SERF2: variants seen among roughly 807,000 people sequenced by gnomAD.
SERF2 encodes the protein gastric cancer-related protein VRG107.
Under a neutral mutation model 10.7 loss-of-function variants are expected in SERF2, and 4 were observed. The observed-to-expected ratio is 0.37, with a 90% CI of 0.18 to 0.86. SERF2 has a LOEUF of 0.86. SERF2 is among the 40% of genes least tolerant of loss of function. The pLI, the probability that SERF2 is intolerant of heterozygous loss-of-function variation, is 0.43. For synonymous variants in SERF2, 26 were observed against 26.0 expected (o/e 1.00, Z 0.01); for missense variants, 47 against 79.1 (o/e 0.59, Z 1.54).
At chr15:43,780,757 C>T (rs914979140) in intron 1 of SERF2, among the ~76,000 whole-genome samples, 11 of 152,172 alleles carry the variant, frequency 7.2e-5, no homozygotes, top group African/African-American at 2.7e-4. Context: ...TGTTTCTGTT[C>T]ATGTCTCCCA....
chr15:43,787,173 G>T (rs865806521), intron 2 of SERF2, among the ~76,000 whole-genome samples: 1 of 151,842 alleles, frequency 6.6e-6, no homozygotes, highest in Non-Finnish European at 1.5e-5. Context: ...CTAATTTTTT[G>T]TATTTTTAGT....
chr15:43,781,592 CTTTTTTT>C (rs565641402), intron 1 of SERF2, among the ~76,000 whole-genome samples: 1 of 134,614 alleles, frequency 7.4e-6, no homozygotes, highest in South Asian at 2.4e-4. Context: ...TGCATTTTTC[CTTTTTTT>C]TTTTTTTTTT....
chr15:43,787,069 G>T lies in SERF2; in HGVS notation c.-402+1535G>T, dbSNP rs567216702. 1.0e-3 allele frequency among the ~76,000 whole-genome samples: 153 copies of T among 150,384 alleles called. 2 individuals carry two copies. The highest frequency in any genetic ancestry group is 3.6e-3 in the African/African-American group (145 of 40,728). On this transcript the variant is annotated intron_variant, in intron 2 of 4. Transcript: ENST00000381359. ...GCTGGAGTGCAGTGGCGCTCCACTCGGCTTACTGCAACCTCCGCCTCCTGG... is the reference window on the plus strand; with the variant it reads ...GCTGGAGTGCAGTGGCGCTCCACTCTGCTTACTGCAACCTCCGCCTCCTGG...
chr15:43,792,229 T>C, upstream of SERF2: 1 of 731,426 alleles, frequency 1.4e-6, no homozygotes, highest in Non-Finnish European at 2.4e-6. Context: ...CCACGTGCTT[T>C]TTCTTGTCCA....
At chr15:43,786,323 G>A (rs1567165099) in intron 2 of SERF2, among the ~76,000 whole-genome samples, 1 of 150,444 alleles carries the variant, frequency 6.6e-6, no homozygotes. Context: ...GCTGAGGCAG[G>A]AGAATGGTAT....
chr15:43,778,488 A>G (rs1188790569), intron 1 of SERF2, among the ~76,000 whole-genome samples: 2 of 138,724 alleles, frequency 1.4e-5, no homozygotes, highest in African/African-American at 2.6e-5. Context: ...GCAGTGAGCC[A>G]TGTTTTCGCC....
intron 2 of SERF2, 59 bp from the exon 3 acceptor site, chr15:43,793,651 T>G (rs1308045479): frequency 1.9e-6 from 3 of 1,613,902 alleles, no homozygotes; most frequent in Non-Finnish European, 1.7e-6. Context: ...TTCATCCCCC[T>G]GCATCTTGTC....
intron 2 of SERF2, among the ~76,000 whole-genome samples, chr15:43,785,707 T>TC (rs1003484075): frequency 1.4e-5 from 2 of 147,918 alleles, no homozygotes; most frequent in Admixed American, 6.7e-5. Flanking sequence ...TCTTTTTCTT[T>TC]TTTTTTTTTT....
intron 2 of SERF2, among the ~76,000 whole-genome samples, chr15:43,787,250 C>G (rs554381571): frequency 6.6e-6 from 1 of 151,936 alleles, no homozygotes; most frequent in Non-Finnish European, 1.5e-5. Flanking sequence ...CAGCCCGCCT[C>G]GGCCTCCCAA....
At chr15:43,780,016 T>A (rs1188069417) in intron 1 of SERF2, among the ~76,000 whole-genome samples, 2 of 152,236 alleles carry the variant, frequency 1.3e-5, no homozygotes, top group East Asian at 1.9e-4. Context: ...TGCTGTTAGA[T>A]CTTTAATACA....
At chr15:43,787,241 A>G (rs1596035418) in intron 2 of SERF2, among the ~76,000 whole-genome samples, 1 of 151,794 alleles carries the variant, frequency 6.6e-6, no homozygotes, top group African/African-American at 2.4e-5. Context: ...CCTCATGATC[A>G]GCCCGCCTCG....
intron 2 of SERF2, among the ~76,000 whole-genome samples, chr15:43,785,742 G>A (rs1418153745): frequency 8.4e-6 from 1 of 118,508 alleles, no homozygotes; most frequent in Non-Finnish European, 1.6e-5. Context: ...TACTTGCTCT[G>A]TCACCCAGGC....
chr15:43,784,087 G>A (rs2086986525), intron 1 of SERF2, among the ~76,000 whole-genome samples: 2 of 151,614 alleles, frequency 1.3e-5, no homozygotes, highest in Admixed American at 1.3e-4. Flanking sequence ...CTGGCCACAT[G>A]TGGCTAATTT....
At chr15:43,792,508 G>A (rs950466994) in intron 1 of SERF2, 125 bp downstream of exon 1, 7 of 1,561,070 alleles carry the variant, frequency 4.5e-6, no homozygotes, top group Non-Finnish European at 6.1e-6. Context: ...GCGCTCTGTG[G>A]CCACCCTCAC....
upstream of SERF2, among the ~76,000 whole-genome samples, chr15:43,790,978 C>CAGGAT (rs529429978): frequency 6.6e-3 from 1,000 of 150,620 alleles, 15 homozygotes; most frequent in African/African-American, 0.023. Context: ...CCGTGTTAGC[C>CAGGAT]AGGATGGTCT....
intron 1 of SERF2, 136 bp from the exon 2 acceptor site, chr15:43,792,833 AGCCTGG>A (rs914036321): frequency 1.3e-5 from 9 of 705,026 alleles, no homozygotes; most frequent in Admixed American, 5.3e-5. Context: ...TACCCCAAGC[AGCCTGG>A]GCCTCGATGG....
intron 1 of SERF2, chr15:43,777,607 A>G (rs201973083): frequency 5.8e-6 from 1 of 172,854 alleles, no homozygotes; most frequent in East Asian, 1.6e-4. Context: ...TAGTGGCAGG[A>G]AAGTTGCAGG....
At chr15:43,780,707 C>T (rs927545308) in intron 1 of SERF2, among the ~76,000 whole-genome samples, 9 of 152,138 alleles carry the variant, frequency 5.9e-5, no homozygotes, top group Admixed American at 1.3e-4. Context: ...ATGCCTGAAA[C>T]TGCAGATAAT....
chr15:43,794,870 T>G lies in SERF2; in HGVS notation c.*1097T>G. 2.8e-6 allele frequency: 2 copies of G among 708,226 alleles called. No individual in the cohort carries two copies. The highest frequency in any genetic ancestry group is 2.4e-6 in the Non-Finnish European group (1 of 416,476). The allele number at this position is 708,226 out of a possible 1,614,324, so 43.9% of individuals were successfully genotyped here. Reference sequence around the variant, plus strand: ...GTGTTTGACCACTTCTTCCAGTTCATAGTATTGACTTCAGCCCAAACGGAG... The same window carrying G: ...GTGTTTGACCACTTCTTCCAGTTCAGAGTATTGACTTCAGCCCAAACGGAG... On this transcript the variant is annotated 3_prime_UTR_variant, in exon 3 of 3. Transcript: ENST00000249786.
Sources: gnomAD v4.1 joint callset for allele counts (sites outside exome capture counted in the v4.1 genomes callset) on GRCh38, gnomAD v4.1.1 for gene constraint, MANE v1.5 for transcripts, NCBI Gene and HGNC (gene_info 2026-07-23, HGNC 2026-07-21) for gene names.